Variants in MORF4L1 observed in about 807,000 individuals in gnomAD.
MORF4L1 encodes the protein mortality factor 4 like 1, also known as mortality factor 4-like protein 1.
MORF4L1 carries 4 observed loss-of-function variants against 52.9 expected under a neutral mutation model. The ratio of observed to expected loss-of-function variants is 0.08; its 90% CI spans 0.04 to 0.17. The LOEUF (loss-of-function observed/expected upper bound fraction) is 0.17. MORF4L1 is among the 10% of genes least tolerant of loss of function. The pLI, the probability that MORF4L1 is intolerant of heterozygous loss-of-function variation, is 1.00. For missense variants in MORF4L1, 214 were observed against 390.4 expected, an observed-to-expected ratio of 0.55 and a Z score of 3.81; for synonymous variants, 123 against 134.8, an observed-to-expected ratio of 0.91 and a Z score of 0.61.
In MORF4L1 at chr15:78,872,950, TG is replaced by T; in HGVS notation, c.-64del. 1 of 1,408,684 alleles carries T rather than the reference TG, an allele frequency of 7.1e-7. No individual in the cohort carries two copies. Among genetic ancestry groups the T allele is most frequent in the Non-Finnish European group, 9.3e-7 (1 of 1,080,766 alleles). The allele number at this position is 1,408,684 out of a possible 1,614,324, so 87.3% of individuals were successfully genotyped here. A position where few individuals can be genotyped will look rare whatever the true frequency, so the allele number is the denominator to read the frequency against. The stretch of plus-strand genomic sequence containing the variant: ...ACGGCGCGTCTGACGCGGAGTTGGG[TG>T]GGGTAGAGAGTAGGGGGCGGTAGTC... On this transcript the variant is annotated 5_prime_UTR_variant, in exon 1 of 12. Transcript: ENST00000426013.
chr15:78,891,787 T>C, intron 7 of MORF4L1: 1 of 516,382 alleles, frequency 1.9e-6, no homozygotes, highest in African/African-American at 1.9e-5. Context: ...ATTTGTTGTG[T>C]AAGCTTCATG....
At chr15:78,873,393 G>C (rs1330867739) in intron 1 of MORF4L1, among the ~76,000 whole-genome samples, 1 of 151,924 alleles carries the variant, frequency 6.6e-6, no homozygotes, top group Non-Finnish European at 1.5e-5. Context: ...CCATGGCGGC[G>C]GTTAGGGGAA....
intron 3 of MORF4L1, among the ~76,000 whole-genome samples, chr15:78,881,189 C>CTTTT (rs570514618): frequency 0.13 from 8,620 of 66,586 alleles, 919 homozygotes; most frequent in East Asian, 0.32. Context: ...AGAGTTAAGC[C>CTTTT]TTTTTTTTTT....
chr15:78,894,367 A>G (rs566323427), intron 10 of MORF4L1, 137 bp downstream of exon 10: 4 of 642,524 alleles, frequency 6.2e-6, no homozygotes, highest in African/African-American at 5.8e-5. Context: ...TTAAATAGCA[A>G]AATCTCTTTA....
chr15:78,895,101 G>A (rs1227197698), intron 11 of MORF4L1, among the ~76,000 whole-genome samples, 197 bp downstream of exon 11: 1 of 152,230 alleles, frequency 6.6e-6, no homozygotes, highest in Non-Finnish European at 1.5e-5. Context: ...TATTGGTGCA[G>A]TAGGGGAAAG....
At chr15:78,878,895 C>G (rs1287586996) in intron 2 of MORF4L1, among the ~76,000 whole-genome samples, 1 of 151,976 alleles carries the variant, frequency 6.6e-6, no homozygotes, top group East Asian at 1.9e-4. Context: ...AAAAATGAGC[C>G]CGTAAAATAC....
At chr15:78,887,966 A>C (rs2056735827) in intron 5 of MORF4L1, among the ~76,000 whole-genome samples, 1 of 152,126 alleles carries the variant, frequency 6.6e-6, no homozygotes, top group Admixed American at 6.6e-5. Flanking sequence ...TTTAGTAGAG[A>C]TGGAGTTTCA....
chr15:78,874,989 A>T (rs958008318), intron 1 of MORF4L1, among the ~76,000 whole-genome samples: 1 of 152,034 alleles, frequency 6.6e-6, no homozygotes, highest in Admixed American at 6.6e-5. Context: ...ATATCTCAAC[A>T]TTACAGTTAT....
At chr15:78,892,121 A>T in intron 7 of MORF4L1, 91 bp from the exon 8 acceptor site, 1 of 765,300 alleles carries the variant, frequency 1.3e-6, no homozygotes, top group Non-Finnish European at 2.2e-6. Flanking sequence ...TTTAAGATTT[A>T]TCCCTAGTGC....
intron 1 of MORF4L1, among the ~76,000 whole-genome samples, chr15:78,875,620 C>T (rs558828541): frequency 6.9e-6 from 1 of 143,934 alleles, no homozygotes; most frequent in Non-Finnish European, 1.5e-5. Context: ...AACCCAGTCT[C>T]TACTAAAAAT....
intron 1 of MORF4L1, 132 bp downstream of exon 1, chr15:78,873,189 G>T (rs2056401931): frequency 6.6e-7 from 1 of 1,520,618 alleles, no homozygotes; most frequent in Admixed American, 2.5e-5. Context: ...TGCTTTGTGC[G>T]GGGAAAGCGC....
rs1676405036 is a variant in MORF4L1, at chr15:78,888,730, A to G, written c.323+1381A>G. Reference sequence around the variant, plus strand: ...GCGCTCCAGCCTCTTAAAAAAAGTAAGGTGTTACTAATGAAGGTATTTAGT... The same window carrying G: ...GCGCTCCAGCCTCTTAAAAAAAGTAGGGTGTTACTAATGAAGGTATTTAGT... On this transcript the variant is annotated intron_variant, in intron 5 of 11. Transcript: ENST00000426013. Among the ~76,000 whole-genome samples the G allele has an allele frequency of 2.0e-5, 3 of 152,314 alleles. No homozygotes were observed. The South Asian group carries it at 6.2e-4, about 32-fold the overall frequency.
At chr15:78,876,345 T>G (rs933355700) in intron 1 of MORF4L1, 9 of 285,700 alleles carry the variant, frequency 3.2e-5, no homozygotes, top group Non-Finnish European at 5.8e-5. Context: ...ATATGTTGTA[T>G]AAGCAATTCT....
At chr15:78,876,098 C>T (rs2056484316) in intron 1 of MORF4L1, among the ~76,000 whole-genome samples, 1 of 151,716 alleles carries the variant, frequency 6.6e-6, no homozygotes, top group Admixed American at 6.6e-5. Flanking sequence ...CCACCACGCC[C>T]AGCTAATTTT....
At chr15:78,896,901 C>T (rs2056899915) in intron 11 of MORF4L1, 82 bp from the exon 12 acceptor site, 2 of 1,043,008 alleles carry the variant, frequency 1.9e-6, no homozygotes, top group South Asian at 1.4e-5. Context: ...TTTTCTGTGG[C>T]TTATGTATAT....
chr15:78,883,082 G>A (rs2056631340), intron 3 of MORF4L1, among the ~76,000 whole-genome samples: 1 of 152,012 alleles, frequency 6.6e-6, no homozygotes, highest in African/African-American at 2.4e-5. Context: ...AGGTGTGGTG[G>A]CACACGACTG....
At chr15:78,886,365 C>CT (rs2056703429) in intron 4 of MORF4L1, 138 bp downstream of exon 4, 1 of 748,786 alleles carries the variant, frequency 1.3e-6, no homozygotes, top group African/African-American at 1.7e-5. Context: ...TGTGTTACAG[C>CT]TTTGACTTCA....
At chr15:78,873,798 ACT>A (rs2056421966) in intron 1 of MORF4L1, 1 of 152,114 alleles carries the variant, frequency 6.6e-6, no homozygotes, top group African/African-American at 2.4e-5. Flanking sequence ...TGGAGGCATC[ACT>A]CTGCTATTCT....
intron 1 of MORF4L1, among the ~76,000 whole-genome samples, chr15:78,876,948 G>GT (rs902268855): frequency 6.4e-4 from 96 of 150,698 alleles, no homozygotes; most frequent in East Asian, 1.6e-3. Flanking sequence ...AATTTTAGTG[G>GT]TTTTTTTTTG....
Sources: allele counts gnomAD v4.1 joint callset (sites outside exome capture counted in the v4.1 genomes callset), GRCh38; gene constraint gnomAD v4.1.1; transcripts MANE v1.5; gene names NCBI Gene and HGNC (gene_info 2026-07-23, HGNC 2026-07-21).